Variants in FAT2 observed in about 807,000 individuals in gnomAD.
FAT2 encodes FAT atypical cadherin 2.
FAT2 carries 150 observed loss-of-function variants against 295.3 expected under a neutral mutation model. The observed-to-expected ratio is 0.51, with a 90% CI of 0.44 to 0.58. The LOEUF is 0.58. Ranked by LOEUF, FAT2 falls within the 20% of genes least tolerant of loss-of-function variation. FAT2 has a pLI of 0.00. For synonymous variants in FAT2, 2,026 were observed against 2,150.3 expected (o/e 0.94, Z 1.60); for missense variants, 4,868 against 5,442.7 (o/e 0.89, Z 3.32).
Position 151,543,975 on chromosome 5 carries a change from A to G in FAT2, c.7152T>C (p.Tyr2384=), listed in dbSNP as rs2127608743. 1 of 1,614,052 alleles carries G rather than the reference A, an allele frequency of 6.2e-7. No homozygotes were observed. The highest frequency in any genetic ancestry group is 1.3e-5 in the African/African-American group (1 of 74,992). Residue 2384 remains tyrosine (Y), a synonymous_variant, in exon 10 of 24, where the codon TAT becomes TAC. Transcript: ENST00000261800. Reference sequence around the variant, plus strand: ...TTGCCAGTTCACTGACATTGGCTTCATATTGAGGTTGTCTGAACTCTGGGG... The same window carrying G: ...TTGCCAGTTCACTGACATTGGCTTCGTATTGAGGTTGTCTGAACTCTGGGG... ...DNPPEFRQPQ[Y]EANVSELATC...
intron 5 of FAT2, 83 bp downstream of exon 5, chr5:151,554,279 T>C: frequency 1.6e-6 from 2 of 1,290,248 alleles, no homozygotes; most frequent in Non-Finnish European, 2.2e-6. Flanking sequence ...GCTGGTGGGC[T>C]GTCTCCCTCC....
intron 1 of FAT2, among the ~76,000 whole-genome samples, chr5:151,575,782 G>C (rs1051380776): frequency 6.6e-6 from 1 of 152,202 alleles, no homozygotes; most frequent in Non-Finnish European, 1.5e-5. Flanking sequence ...TCACTCTAGA[G>C]CTGCGCTTTC....
chr5:151,511,384 G>C (rs1372677713), intron 21 of FAT2: 1 of 152,206 alleles, frequency 6.6e-6, no homozygotes, highest in African/African-American at 2.4e-5. Flanking sequence ...TGCATGTGAT[G>C]TATAGAATAG....
rs766412867 is a variant in FAT2 at position 151,505,834 on chromosome 5, C to T, written c.12781G>A (p.Glu4261Lys). Residue 4261 changes from glutamate (E) to lysine (K), a missense_variant, in exon 24 of 24, where the codon GAG becomes AAG. Glu to Lys is a moderately conservative substitution (Grantham distance 56). Around this residue, in one of 5 missense-constraint regions of FAT2, gnomAD observed 492 missense variants for 482.6 expected, o/e 1.02. Transcript: ENST00000261800. ...LMPSRPPSPR[E>K]RLVAPCLNEY... ...TTGAGACAGGGGGCAACCAGGCGCT[C>T]CCGGGGACTAGGGGGCCGAGAGGGC... is the stretch of plus-strand genomic sequence containing the variant. The T allele has an allele frequency of 6.2e-7, 1 of 1,613,286 alleles. No homozygotes were observed. Among genetic ancestry groups the T allele is most frequent in the South Asian group, 1.1e-5 (1 of 91,020 alleles).
chr5:151,572,291 A>G (rs112976184), intron 1 of FAT2, among the ~76,000 whole-genome samples: 3 of 152,278 alleles, frequency 2.0e-5, no homozygotes, highest in African/African-American at 7.2e-5. Context: ...TAGTTGAGAA[A>G]TGGAAGAATC....
At chr5:151,509,898 A>C in intron 22 of FAT2, 123 bp downstream of exon 22, 2 of 1,136,230 alleles carry the variant, frequency 1.8e-6, no homozygotes, top group Non-Finnish European at 2.5e-6. Flanking sequence ...CAGATGGAAA[A>C]GGCCTAGAAG....
intron 23 of FAT2, among the ~76,000 whole-genome samples, chr5:151,506,638 C>G (rs165336): frequency 0.15 from 22,505 of 152,236 alleles, 2,009 homozygotes; most frequent in Non-Finnish European, 0.21. Flanking sequence ...CCGTATTTGA[C>G]ACATAGTGAA....
In FAT2 at chr5:151,521,976, A is replaced by G; in HGVS notation, c.10617T>C (p.Thr3539=). The change falls in exon 19 of 24, where the codon ACT becomes ACC. Residue 3539 remains threonine (T), a synonymous_variant. Transcript: ENST00000261800. ...CACCCTGGAACTCATCCTCTCCAACAGTGATGAAGATCTCCAGTGGGAGAG... is the reference window on the plus strand; with the variant it reads ...CACCCTGGAACTCATCCTCTCCAACGGTGATGAAGATCTCCAGTGGGAGAG... ...PSALPLEIFI[T]VGEDEFQGGM... 4 of 1,614,126 alleles carry G rather than the reference A, an allele frequency of 2.5e-6. No individual in the cohort carries two copies. The highest frequency in any genetic ancestry group is 3.4e-6 in the Non-Finnish European group (4 of 1,179,994).
At chr5:151,521,248 T>C (rs1416303279) in intron 19 of FAT2, 28 bp downstream of exon 19, 3 of 1,568,508 alleles carry the variant, frequency 1.9e-6, no homozygotes, top group Non-Finnish European at 2.6e-6. Context: ...GCAGTGCTGC[T>C]CGTCCCTAGG....
At position 151,567,777 on chromosome 5, in the gene FAT2, T is replaced by G. The variant is rs1206069603; in HGVS notation, c.1155A>C (p.Arg385Ser). 4.3e-6 allele frequency: 7 copies of G among 1,613,982 alleles called. No homozygotes were observed. In the South Asian group the frequency reaches 6.6e-5, roughly 15 times the overall value. ...SPPGSRVVMV[R>S]VTPAFPNLQY... is the part of the protein sequence containing the mutation. ...GCAGGTTGGGGAAGGCTGGGGTGAC[T>G]CTCACCATCACCACGCGGCTGCCAG... Residue 385 changes from arginine (R) to serine (S), a missense_variant, in exon 2 of 24, where the codon AGA becomes AGC. By Grantham distance (110) the Arg-to-Ser change is moderately radical. Around this residue, in one of 5 missense-constraint regions of FAT2, gnomAD observed 3,297 missense variants for 3,669.4 expected, o/e 0.90. Coordinates refer to ENST00000261800, the MANE Select transcript of FAT2 (RefSeq NM_001447.3).
chr5:151,546,051 A>G lies in FAT2; in HGVS notation c.5076T>C (p.Tyr1692=), dbSNP rs1351950303. Residue 1692 remains tyrosine, a synonymous_variant, in exon 10 of 24, where the codon TAT becomes TAC. Transcript: ENST00000261800. ...VSAMSPSEVT[Y]ELREGNKDGV... Reference sequence around the variant, plus strand: ...CATCCTTATTTCCCTCTCTTAACTCATAGGTAACTTCAGAGGGGCTCATAG... The same window carrying G: ...CATCCTTATTTCCCTCTCTTAACTCGTAGGTAACTTCAGAGGGGCTCATAG... 2.5e-6 allele frequency: 4 copies of G among 1,614,198 alleles called. No homozygotes were observed. Among genetic ancestry groups the G allele is most frequent in the Non-Finnish European group, 2.5e-6 (3 of 1,180,040 alleles).
At chr5:151,525,604 C>G (rs1753902567) in intron 18 of FAT2, among the ~76,000 whole-genome samples, 164 bp downstream of exon 18, 1 of 152,198 alleles carries the variant, frequency 6.6e-6, no homozygotes. Flanking sequence ...TATACCTGCC[C>G]TGAGTGTTAT....
rs1754224637 is a variant in FAT2 at position 151,528,211 on chromosome 5, C to A, written c.10027-78G>T. ...GGAGTACAGGGGGAAACAGATATGT[C>A]CCTGCCCCAGTGACTGCCTTTGGGC... On this transcript the variant is annotated intron_variant, in intron 15 of 23. Transcript: ENST00000261800. The A allele has an allele frequency of 3.9e-6, 6 of 1,547,056 alleles. No homozygotes were observed. The South Asian group carries it at 7.3e-5, about 19-fold the overall frequency.
At chr5:151,509,867 G>T (rs900667229) in intron 22 of FAT2, 154 bp downstream of exon 22, 12 of 819,410 alleles carry the variant, frequency 1.5e-5, no homozygotes, top group Admixed American at 2.4e-5. Context: ...GTGCCAAAAA[G>T]GTTGGGGACC....
chr5:151,583,719 C>T (rs1171145015), intron 1 of FAT2, among the ~76,000 whole-genome samples: 1 of 151,890 alleles, frequency 6.6e-6, no homozygotes, highest in African/African-American at 2.4e-5. Flanking sequence ...TTTTAGGGGC[C>T]AGGCATGGTT....
In FAT2 at chr5:151,567,568, G is replaced by A. The variant is rs752396978; in HGVS notation, c.1364C>T (p.Ala455Val). The A allele has an allele frequency of 1.2e-6, 2 of 1,614,054 alleles. No homozygotes were observed. Among genetic ancestry groups the A allele is most frequent in the African/African-American group, 1.3e-5 (1 of 74,914 alleles). The change falls in exon 2 of 24, where the codon GCC becomes GTC. Residue 455 changes from alanine (A) to valine (V), a missense_variant. Transcript: ENST00000261800. ...ATAGGAAGACCTGTTGAAGAGGGGG[G>A]CATGGTTGTTGCAGTCCACAATGTC... The part of the protein sequence containing the change: ...VIDIVDCNNH[A>V]PLFNRSSYDG...
rs557105582 is a variant in FAT2, at chr5:151,539,080, G to A, written c.9040-1134C>T. 1.3e-4 allele frequency among the ~76,000 whole-genome samples: 20 copies of A among 152,200 alleles called. 1 individual carries two copies. The South Asian group carries it at 2.5e-3, about 19-fold the overall frequency. On this transcript the variant is annotated intron_variant, in intron 11 of 23. Coordinates refer to ENST00000261800, the MANE Select transcript of FAT2 (RefSeq NM_001447.3). ...GTGAGCCTGATCTCAGCCTCTCCAA[G>A]CATGGGGAGGACAGAAGTTGGTTGT...
At chr5:151,533,104 G>T (rs1451610575) in intron 13 of FAT2, among the ~76,000 whole-genome samples, 1 of 152,100 alleles carries the variant, frequency 6.6e-6, no homozygotes, top group Non-Finnish European at 1.5e-5. Flanking sequence ...AGCTATCTAG[G>T]AGATCTGTGT....
intron 4 of FAT2, among the ~76,000 whole-genome samples, chr5:151,555,697 A>G (rs1757633671): frequency 6.6e-6 from 1 of 152,212 alleles, no homozygotes; most frequent in Non-Finnish European, 1.5e-5. Context: ...ACCAAAGGAA[A>G]AAGAATGTGC....
Sources: allele counts gnomAD v4.1 joint callset (sites outside exome capture counted in the v4.1 genomes callset), GRCh38; gene constraint gnomAD v4.1.1; regional missense constraint gnomAD v4.1.1; transcripts MANE v1.5; gene names NCBI Gene and HGNC (gene_info 2026-07-23, HGNC 2026-07-21).